The following MTUS2 variants were observed in gnomAD, a reference collection of about 807,000 sequenced individuals.
MTUS2 encodes microtubule associated scaffold protein 2.
MTUS2 carries 40 observed loss-of-function variants against 114.1 expected under a neutral mutation model. The ratio of observed to expected loss-of-function variants is 0.35; its 90% CI spans 0.27 to 0.46. MTUS2 has a LOEUF of 0.46. Ranked by LOEUF, MTUS2 falls within the 20% of genes least tolerant of loss-of-function variation. MTUS2 has a pLI of 1.00. For missense variants in MTUS2, 1,679 were observed against 1,705.4 expected (o/e 0.98, Z 0.27); for synonymous variants, 688 against 672.0 (o/e 1.02, Z -0.37).
chr13:29,318,165 G>GT (rs1441653905), intron 6 of MTUS2, among the ~76,000 whole-genome samples: 1 of 151,204 alleles, frequency 6.6e-6, no homozygotes, highest in African/African-American at 2.4e-5. Context: ...TATCCTTTCT[G>GT]TTTCTTATCT....
intron 7 of MTUS2, among the ~76,000 whole-genome samples, chr13:29,338,187 G>A (rs1185649380): frequency 6.6e-6 from 1 of 152,116 alleles, no homozygotes; most frequent in African/African-American, 2.4e-5. Flanking sequence ...TCTAGGGCTT[G>A]TTTCACATTC....
intron 13 of MTUS2, 112 bp from the exon 14 acceptor site, chr13:29,498,306 C>A: frequency 1.4e-6 from 2 of 1,458,028 alleles, no homozygotes; most frequent in Non-Finnish European, 1.9e-6. Flanking sequence ...GTTGCAGTTG[C>A]CATCAGGGCG....
Position 29,133,099 on chromosome 13 carries a change from A to G in MTUS2, c.2644+32129A>G, listed in dbSNP as rs975832688. Among the ~76,000 whole-genome samples the G allele has an allele frequency of 2.0e-5, 3 of 151,596 alleles. 1 individual carries two copies. Among genetic ancestry groups the G allele is most frequent in the Middle Eastern group, 6.8e-3 (2 of 292 alleles). ...GCTATCTCATTATAGGTTTGATTTAATTTTCATAATGATTAGTGAGGTTGA... is the reference window on the plus strand; with the variant it reads ...GCTATCTCATTATAGGTTTGATTTAGTTTTCATAATGATTAGTGAGGTTGA... On this transcript the variant is annotated intron_variant, in intron 5 of 15. Transcript: ENST00000612955.
chr13:29,062,993 G>A (rs537629863), intron 4 of MTUS2, among the ~76,000 whole-genome samples: 5 of 152,212 alleles, frequency 3.3e-5, no homozygotes, highest in East Asian at 3.9e-4. Flanking sequence ...TTGGACTGTC[G>A]TCAGGTCTGG....
intron 5 of MTUS2, among the ~76,000 whole-genome samples, chr13:29,172,903 G>A (rs1229384879): frequency 6.6e-6 from 1 of 152,136 alleles, no homozygotes; most frequent in East Asian, 1.9e-4. Context: ...TGCAAATAAT[G>A]TAGTAGTCCT....
chr13:29,118,877 G>T (rs1353062332), intron 5 of MTUS2, among the ~76,000 whole-genome samples: 1 of 152,194 alleles, frequency 6.6e-6, no homozygotes, highest in East Asian at 1.9e-4. Context: ...TGAGGGAGTG[G>T]ACGGTGAGTC....
intron 5 of MTUS2, among the ~76,000 whole-genome samples, chr13:29,227,603 G>A (rs2139346787): frequency 6.6e-6 from 1 of 152,304 alleles, no homozygotes; most frequent in Non-Finnish European, 1.5e-5. Flanking sequence ...TGCTACATGG[G>A]TTGGCATTCT....
chr13:29,358,407 C>T (rs1385919989), intron 7 of MTUS2, among the ~76,000 whole-genome samples: 2 of 152,234 alleles, frequency 1.3e-5, no homozygotes, highest in East Asian at 1.9e-4. Flanking sequence ...CTCCTTGCCC[C>T]GTCTTCTGTG....
intron 8 of MTUS2, among the ~76,000 whole-genome samples, chr13:29,439,608 T>A (rs7996311): frequency 0.8 from 121,739 of 152,136 alleles, 49,281 homozygotes; most frequent in African/African-American, 0.9. Flanking sequence ...TGGCACAGAC[T>A]TTTTTAATGG....
intron 5 of MTUS2, among the ~76,000 whole-genome samples, chr13:29,213,387 AC>A (rs917115796): frequency 2.0e-5 from 3 of 152,210 alleles, no homozygotes; most frequent in African/African-American, 7.2e-5. Context: ...AGTATTCTAT[AC>A]CCTTACTGAT....
At chr13:29,293,183 A>G (rs916688072) in intron 6 of MTUS2, among the ~76,000 whole-genome samples, 3 of 152,172 alleles carry the variant, frequency 2.0e-5, no homozygotes, top group African/African-American at 7.2e-5. Context: ...AAGATGATAA[A>G]CTGATAGAAA....
intron 2 of MTUS2, among the ~76,000 whole-genome samples, chr13:28,850,770 TATTAAA>T (rs1876216835): frequency 6.6e-6 from 1 of 152,214 alleles, no homozygotes; most frequent in Admixed American, 6.5e-5. Context: ...CAGACAGATA[TATTAAA>T]ATTAAAATCT....
intron 4 of MTUS2, among the ~76,000 whole-genome samples, chr13:29,054,857 T>G (rs542273758): frequency 1.3e-5 from 2 of 152,248 alleles, no homozygotes; most frequent in South Asian, 2.1e-4. Context: ...AGTAGTATGT[T>G]GCTTAATTCC....
rs1882553661 is a variant in MTUS2 at position 29,496,394 on chromosome 13, C to T, written c.3580-844C>T. 6.5e-6 allele frequency: 1 copy of T among 152,846 alleles called. No homozygotes were observed. Among genetic ancestry groups the T allele is most frequent in the African/African-American group, 2.4e-5 (1 of 41,402 alleles). The allele number at this position is 152,846 out of a possible 1,614,324, so 9.5% of individuals were successfully genotyped here. A position where few individuals can be genotyped will look rare whatever the true frequency, so the allele number is the denominator to read the frequency against. On this transcript the variant is annotated intron_variant, in intron 12 of 15. Transcript: ENST00000612955. This position sits in a 1 kb window ranked among gnomAD's most constrained non-coding sequence, Gnocchi z 4.3. Reference sequence around the variant, plus strand: ...AAGGACATGCAACCCAGTCCTGAGGCCAGGAAGACTGTGTGGGAGCCAGAG... The same window carrying T: ...AAGGACATGCAACCCAGTCCTGAGGTCAGGAAGACTGTGTGGGAGCCAGAG...
intron 8 of MTUS2, among the ~76,000 whole-genome samples, chr13:29,396,014 G>A (rs1873890512): frequency 6.6e-6 from 1 of 152,158 alleles, no homozygotes; most frequent in South Asian, 2.1e-4. Context: ...ACAAATCACA[G>A]TTGTTTGTGG....
intron 5 of MTUS2, among the ~76,000 whole-genome samples, chr13:29,135,204 C>T (rs531855207): frequency 4.9e-4 from 74 of 152,266 alleles, no homozygotes; most frequent in African/African-American, 1.7e-3. Flanking sequence ...TCAGTTATCA[C>T]GTTGCAAAAA....
intron 2 of MTUS2, among the ~76,000 whole-genome samples, chr13:28,932,434 T>G (rs1270996405): frequency 6.6e-6 from 1 of 152,182 alleles, no homozygotes; most frequent in Non-Finnish European, 1.5e-5. Context: ...TTGGTATCTG[T>G]GGGGGTCCTG....
At chr13:29,484,366 T>C (rs1881433212) in intron 10 of MTUS2, 3 of 152,206 alleles carry the variant, frequency 2.0e-5, no homozygotes, top group Admixed American at 1.3e-4. Flanking sequence ...TCTAATCAAA[T>C]AGAAAGAGAT....
chr13:29,474,083 C>T (rs1459071572), intron 9 of MTUS2, among the ~76,000 whole-genome samples: 1 of 152,192 alleles, frequency 6.6e-6, no homozygotes, highest in Non-Finnish European at 1.5e-5. Context: ...GGGCTTACAA[C>T]AGAGAGCCAT....
Sources: gnomAD v4.1 joint callset for allele counts (sites outside exome capture counted in the v4.1 genomes callset) on GRCh38, gnomAD v4.1.1 for gene constraint, Gnocchi (gnomAD v3.1) non-coding constraint, MANE v1.5 for transcripts, NCBI Gene and HGNC (gene_info 2026-07-23, HGNC 2026-07-21) for gene names.